SRPK2: variants seen among roughly 807,000 people sequenced by gnomAD.
SRPK2 encodes the protein SFRS protein kinase 2.
In SRPK2, 21 loss-of-function variants were observed where a neutral mutation model predicts 90.8. The observed-to-expected ratio is 0.23, with a 90% CI of 0.16 to 0.33. The LOEUF is 0.33. Ranked by LOEUF, SRPK2 falls within the 10% of genes least tolerant of loss-of-function variation. The pLI is 1.00. For synonymous variants in SRPK2, 288 were observed against 311.1 expected, an observed-to-expected ratio of 0.93 and a Z score of 0.78; for missense variants, 620 against 869.0, an observed-to-expected ratio of 0.71 and a Z score of 3.60.
chr7:105,262,015 T>TA lies in SRPK2; in HGVS notation c.72-58231dup, dbSNP rs1219651877. Among the ~76,000 whole-genome samples the TA allele has an allele frequency of 2.3e-4, 35 of 152,110 alleles. 1 individual carries two copies. ...TACTCACTGACCCAGGTATGGAGTT[T>TA]ACCTAACTCCCAAGCACAAGGGGAA... On this transcript the variant is annotated intron_variant, in intron 2 of 15. Coordinates refer to ENST00000393651, the MANE Select transcript of SRPK2 (RefSeq NM_182692.3).
At chr7:105,268,071 T>C (rs560993561) in intron 2 of SRPK2, among the ~76,000 whole-genome samples, 31 of 152,358 alleles carry the variant, frequency 2.0e-4, no homozygotes, top group African/African-American at 7.5e-4. Flanking sequence ...TAGCCTTATT[T>C]CTGACTTCAG....
intron 2 of SRPK2, among the ~76,000 whole-genome samples, chr7:105,331,337 A>AAAAAAAAAAAC (rs1554512429): frequency 1.3e-4 from 18 of 141,824 alleles, no homozygotes; most frequent in South Asian, 2.2e-4. Flanking sequence ...AAAAAAAAAA[A>AAAAAAAAAAAC]CAAATAGTTA....
At chr7:105,223,019 G>A (rs1249169691) in intron 2 of SRPK2, among the ~76,000 whole-genome samples, 1 of 152,086 alleles carries the variant, frequency 6.6e-6, no homozygotes, top group African/African-American at 2.4e-5. Flanking sequence ...CTTTCCTACT[G>A]AGACAATTAC....
intron 2 of SRPK2, chr7:105,244,582 TA>T (rs779267564): frequency 1.9e-5 from 12 of 621,164 alleles, no homozygotes; most frequent in South Asian, 3.3e-5. Context: ...TCAACAACAA[TA>T]AAAAAATCCC....
chr7:105,364,548 C>T (rs1384587994), intron 2 of SRPK2, among the ~76,000 whole-genome samples: 1 of 151,880 alleles, frequency 6.6e-6, no homozygotes, highest in African/African-American at 2.4e-5. Context: ...TTACAGGTAC[C>T]CGCCATCATG....
chr7:105,245,792 C>T (rs951958781), intron 2 of SRPK2, among the ~76,000 whole-genome samples: 1 of 152,168 alleles, frequency 6.6e-6, no homozygotes, highest in African/African-American at 2.4e-5. Flanking sequence ...AATCTTCATG[C>T]ACTATGGCCT....
At chr7:105,165,439 A>T (rs1393363341) in intron 6 of SRPK2, among the ~76,000 whole-genome samples, 1 of 152,220 alleles carries the variant, frequency 6.6e-6, no homozygotes, top group Non-Finnish European at 1.5e-5. Flanking sequence ...TTTTCTGTCT[A>T]GCTAGAGGAC....
At position 105,242,322 on chromosome 7, in the gene SRPK2, G is replaced by A. The variant is rs186922764; in HGVS notation, c.72-38537C>T. On this transcript the variant is annotated intron_variant, in intron 2 of 15. Transcript: ENST00000393651. ...AGGTCAAGAGCTCAAGGCCAGCCTC[G>A]CCAACATGGTGAAACCCCATCTCTA... is the stretch of plus-strand genomic sequence containing the variant. Among the ~76,000 whole-genome samples the A allele has an allele frequency of 1.3e-3, 198 of 152,158 alleles. 1 individual carries two copies. The highest frequency in any genetic ancestry group is 7.0e-3 in the Admixed American group (107 of 15,272).
At chr7:105,242,859 T>C (rs1304205475) in intron 2 of SRPK2, among the ~76,000 whole-genome samples, 1 of 152,090 alleles carries the variant, frequency 6.6e-6, no homozygotes, top group Non-Finnish European at 1.5e-5. Context: ...AGCTATCAAC[T>C]GAACATGAGG....
chr7:105,251,886 T>C (rs1481250385), intron 2 of SRPK2, among the ~76,000 whole-genome samples: 1 of 152,204 alleles, frequency 6.6e-6, no homozygotes, highest in Non-Finnish European at 1.5e-5. Context: ...TTCAGTGTCG[T>C]GGCTTGAGGG....
At chr7:105,184,038 T>G (rs924667353) in intron 3 of SRPK2, among the ~76,000 whole-genome samples, 1 of 139,084 alleles carries the variant, frequency 7.2e-6, no homozygotes, top group African/African-American at 2.7e-5. Flanking sequence ...TGTAGTGGCA[T>G]GATCCCAGCT....
intron 2 of SRPK2, among the ~76,000 whole-genome samples, chr7:105,294,537 GTTTTGT>G (rs1219558293): frequency 6.6e-6 from 1 of 150,488 alleles, no homozygotes; most frequent in Admixed American, 6.6e-5. Context: ...GTTTTGTTTT[GTTTTGT>G]TTTTTTGAAA....
chr7:105,268,680 C>G, intron 2 of SRPK2: 7 of 1,094,566 alleles, frequency 6.4e-6, no homozygotes, highest in Non-Finnish European at 9.0e-6. Context: ...ATCTTCAATA[C>G]AGCACAATAC....
chr7:105,186,573 G>A (rs769112686), intron 3 of SRPK2, among the ~76,000 whole-genome samples: 52 of 152,058 alleles, frequency 3.4e-4, no homozygotes, highest in Non-Finnish European at 6.0e-4. Context: ...GTATTCTGAC[G>A]GACTGTGTTC....
At chr7:105,118,711 A>G (rs1799910421) in intron 15 of SRPK2, among the ~76,000 whole-genome samples, 1 of 152,160 alleles carries the variant, frequency 6.6e-6, no homozygotes, top group Non-Finnish European at 1.5e-5. Context: ...TGAGCCCATG[A>G]GTTTCAGACC....
At chr7:105,186,336 A>G (rs2129601891) in intron 3 of SRPK2, among the ~76,000 whole-genome samples, 1 of 152,288 alleles carries the variant, frequency 6.6e-6, no homozygotes, top group East Asian at 1.9e-4. Flanking sequence ...ATCAAGCCAC[A>G]CCACCCTCCC....
chr7:105,301,762 T>A (rs1328109050), intron 2 of SRPK2: 1 of 1,594,844 alleles, frequency 6.3e-7, no homozygotes, highest in Admixed American at 1.7e-5. Context: ...CAGAGTATAT[T>A]AGCCAAGTTA....
chr7:105,132,981 T>A (rs1192575432), intron 12 of SRPK2, 23 bp downstream of exon 12: 1 of 1,613,748 alleles, frequency 6.2e-7, no homozygotes, highest in African/African-American at 1.3e-5. Context: ...GACCAAAGGT[T>A]TTAGAAAGAA....
At chr7:105,388,090 C>T (rs1821838848) in intron 2 of SRPK2, among the ~76,000 whole-genome samples, 1 of 152,220 alleles carries the variant, frequency 6.6e-6, no homozygotes, top group Non-Finnish European at 1.5e-5. Flanking sequence ...CAGGAACACG[C>T]CCGAGGCAAA....
Sources: gnomAD v4.1 joint callset for allele counts (sites outside exome capture counted in the v4.1 genomes callset) on GRCh38, gnomAD v4.1.1 for gene constraint, MANE v1.5 for transcripts, NCBI Gene and HGNC (gene_info 2026-07-23, HGNC 2026-07-21) for gene names.